The following MBNL2 variants were observed in gnomAD, a reference collection of about 807,000 sequenced individuals.
MBNL2 encodes muscleblind-like protein 2.
MBNL2 carries 17 observed loss-of-function variants against 41.9 expected under a neutral mutation model. That is an observed-to-expected ratio of 0.41 (90% CI 0.28 to 0.61). MBNL2 has a LOEUF of 0.61. MBNL2 is among the 20% of genes least tolerant of loss of function. The pLI, the probability that MBNL2 is intolerant of heterozygous loss-of-function variation, is 0.35. For synonymous variants in MBNL2, 195 were observed against 182.9 expected (o/e 1.07, Z -0.53); for missense variants, 336 against 505.6 (o/e 0.66, Z 3.22).
At chr13:97,238,062 A>G (rs773480435) in intron 1 of MBNL2, among the ~76,000 whole-genome samples, 1 of 152,238 alleles carries the variant, frequency 6.6e-6, no homozygotes, top group Admixed American at 6.5e-5. Context: ...TGGCATAAAC[A>G]CACAGGAGGA....
chr13:97,194,321 G>T, the MBNL2 span, among the ~76,000 whole-genome samples: 7 of 152,212 alleles, frequency 4.6e-5, no homozygotes, highest in Middle Eastern at 3.4e-3. Flanking sequence ...ACTGTACCTG[G>T]TACATAGGTG....
At chr13:97,193,872 C>T in the MBNL2 span, among the ~76,000 whole-genome samples, 1 of 152,336 alleles carries the variant, frequency 6.6e-6, no homozygotes, top group Non-Finnish European at 1.5e-5. Context: ...GGGCAGACTC[C>T]TGATCACACC....
chr13:97,207,569 G>T, the MBNL2 span, among the ~76,000 whole-genome samples: 1 of 152,096 alleles, frequency 6.6e-6, no homozygotes, highest in East Asian at 1.9e-4. Context: ...GGAAAGACTT[G>T]CCCCCATGAT....
chr13:97,359,594 G>A (rs1299789102), intron 7 of MBNL2, among the ~76,000 whole-genome samples: 1 of 148,952 alleles, frequency 6.7e-6, no homozygotes, highest in Non-Finnish European at 1.5e-5. Flanking sequence ...TTGATGAAAT[G>A]TATCTCATGA....
At chr13:97,277,844 A>G (rs1481336520) in intron 2 of MBNL2, among the ~76,000 whole-genome samples, 1 of 152,238 alleles carries the variant, frequency 6.6e-6, no homozygotes, top group Non-Finnish European at 1.5e-5. Context: ...CACAATTCAT[A>G]TAAACTATAA....
intron 2 of MBNL2, among the ~76,000 whole-genome samples, chr13:97,316,476 A>G (rs1234946088): frequency 1.3e-5 from 2 of 152,254 alleles, no homozygotes; most frequent in Non-Finnish European, 2.9e-5. Context: ...AATGGCCTGC[A>G]AGACCCTACC....
At chr13:97,234,951 A>G (rs1436733854) in intron 1 of MBNL2, among the ~76,000 whole-genome samples, 2 of 152,198 alleles carry the variant, frequency 1.3e-5, no homozygotes, top group African/African-American at 4.8e-5. Flanking sequence ...TCCCAGCTCC[A>G]GTCAACAGCA....
At chr13:97,264,152 C>T (rs1391624611) in intron 1 of MBNL2, among the ~76,000 whole-genome samples, 5 of 151,790 alleles carry the variant, frequency 3.3e-5, no homozygotes, top group South Asian at 2.1e-4. Flanking sequence ...CTCAGCCTCC[C>T]GAGTAGCTGG....
the MBNL2 span, among the ~76,000 whole-genome samples, chr13:97,143,136 AC>A: frequency 2.6e-5 from 4 of 152,302 alleles, no homozygotes; most frequent in African/African-American, 7.2e-5. Context: ...CTTCTTGAAA[AC>A]TAAAAAATAA....
At chr13:97,291,463 A>G (rs967519139) in intron 2 of MBNL2, among the ~76,000 whole-genome samples, 7 of 152,042 alleles carry the variant, frequency 4.6e-5, no homozygotes, top group African/African-American at 1.4e-4. Context: ...GGATGGTCTC[A>G]ATCCCCTGAC....
At chr13:97,232,059 A>T (rs902058548) in intron 1 of MBNL2, among the ~76,000 whole-genome samples, 1 of 150,986 alleles carries the variant, frequency 6.6e-6, no homozygotes, top group Non-Finnish European at 1.5e-5. Flanking sequence ...GCATTTATTT[A>T]AAAAATGCTA....
At chr13:97,199,347 A>C in the MBNL2 span, among the ~76,000 whole-genome samples, 1 of 152,052 alleles carries the variant, frequency 6.6e-6, no homozygotes, top group Non-Finnish European at 1.5e-5. Flanking sequence ...AGCTATGGCC[A>C]CTTCATGTAT....
the MBNL2 span, among the ~76,000 whole-genome samples, chr13:97,213,510 AAACACACATTT>A: frequency 6.6e-6 from 1 of 152,196 alleles, no homozygotes; most frequent in Admixed American, 6.5e-5. Flanking sequence ...CCTTCGGTAA[AAACACACATTT>A]AATGAGTGAT....
intron 1 of MBNL2, among the ~76,000 whole-genome samples, chr13:97,231,485 T>C (rs1046477953): frequency 6.6e-6 from 1 of 152,228 alleles, no homozygotes; most frequent in African/African-American, 2.4e-5. Context: ...TTGGAGGATC[T>C]TCTGGCAGTC....
chr13:97,313,164 C>T (rs1258249100), intron 2 of MBNL2, among the ~76,000 whole-genome samples: 1 of 152,194 alleles, frequency 6.6e-6, no homozygotes, highest in East Asian at 1.9e-4. Flanking sequence ...GTGGAGGCTC[C>T]TAGTGGTGCT....
chr13:97,225,010 G>A (rs1258158326), intron 1 of MBNL2, among the ~76,000 whole-genome samples: 1 of 152,186 alleles, frequency 6.6e-6, no homozygotes, highest in African/African-American at 2.4e-5. Context: ...GTAAATAAGA[G>A]AAAAAACAAG....
intron 2 of MBNL2, among the ~76,000 whole-genome samples, chr13:97,286,727 A>T (rs1214951716): frequency 2.0e-5 from 3 of 152,148 alleles, no homozygotes; most frequent in Non-Finnish European, 4.4e-5. Flanking sequence ...GGGCCTTGGC[A>T]CTGGCTGTTC....
In MBNL2 at chr13:97,280,800, G is replaced by T. The variant is rs552788865; in HGVS notation, c.174+4391G>T. Among the ~76,000 whole-genome samples the T allele has an allele frequency of 4.6e-5, 7 of 152,306 alleles. No individual in the cohort carries two copies. The South Asian group carries it at 1.4e-3, about 32-fold the overall frequency. On this transcript the variant is annotated intron_variant, in intron 2 of 8. Coordinates refer to ENST00000679496, the MANE Select transcript of MBNL2 (RefSeq NM_001382683.1). ...TCTTTCCTCTGTTTGGAATACTCTTGCCTCAGCCACACAAAGAGCATGTTT... is the reference window on the plus strand; with the variant it reads ...TCTTTCCTCTGTTTGGAATACTCTTTCCTCAGCCACACAAAGAGCATGTTT...
intron 8 of MBNL2, among the ~76,000 whole-genome samples, chr13:97,382,435 G>A (rs748211599): frequency 4.6e-5 from 7 of 152,240 alleles, no homozygotes; most frequent in East Asian, 3.9e-4. Flanking sequence ...AGAAAATTCC[G>A]TCACCTCCTC....
Sources: gnomAD v4.1 joint callset for allele counts (sites outside exome capture counted in the v4.1 genomes callset) on GRCh38, gnomAD v4.1.1 for gene constraint, MANE v1.5 for transcripts, NCBI Gene and HGNC (gene_info 2026-07-23, HGNC 2026-07-21) for gene names.